The following PDE3B variants were observed in gnomAD, a reference collection of about 807,000 sequenced individuals.
The protein encoded by PDE3B is phosphodiesterase 3B.
A neutral mutation model predicts 116.8 loss-of-function variants in PDE3B; 66 were observed. The ratio of observed to expected loss-of-function variants is 0.56; its 90% CI spans 0.46 to 0.69. PDE3B has a LOEUF of 0.69. PDE3B is among the 30% of genes least tolerant of loss of function. The pLI, the probability that PDE3B is intolerant of heterozygous loss-of-function variation, is 0.00. For missense variants in PDE3B, 1,384 were observed against 1,368.1 expected (o/e 1.01, Z -0.18); for synonymous variants, 595 against 533.6 (o/e 1.12, Z -1.59).
chr11:14,895,743 AATGATACTAATTGAAC>A, the PDE3B span, among the ~76,000 whole-genome samples: 3 of 152,222 alleles, frequency 2.0e-5, no homozygotes, highest in Non-Finnish European at 4.4e-5. Context: ...TTACAAATTA[AATGATACTAATTGAAC>A]ATTCCCTATA....
At chr11:14,687,731 C>T (rs1173764047) in intron 1 of PDE3B, among the ~76,000 whole-genome samples, 1 of 152,094 alleles carries the variant, frequency 6.6e-6, no homozygotes. Flanking sequence ...TTTTAGTTGC[C>T]TATCAGATCT....
intron 1 of PDE3B, among the ~76,000 whole-genome samples, chr11:14,731,255 A>G (rs866911469): frequency 5.0e-5 from 6 of 121,140 alleles, no homozygotes; most frequent in Non-Finnish European, 8.8e-5. Flanking sequence ...TTTTACTTTG[A>G]TTTTTTTTTT....
intron 7 of PDE3B, among the ~76,000 whole-genome samples, chr11:14,830,107 A>G (rs1859827189): frequency 6.6e-6 from 1 of 152,138 alleles, no homozygotes; most frequent in African/African-American, 2.4e-5. Flanking sequence ...CAAGTTATTT[A>G]TTCTACTGTC....
At chr11:14,728,031 T>G (rs1333222775) in intron 1 of PDE3B, among the ~76,000 whole-genome samples, 2 of 152,114 alleles carry the variant, frequency 1.3e-5, no homozygotes, top group East Asian at 3.8e-4. Flanking sequence ...GTTTCTTACA[T>G]TTATCTATTA....
chr11:14,673,634 A>G, intron 1 of PDE3B: 1 of 667,634 alleles, frequency 1.5e-6, no homozygotes. Flanking sequence ...AATCTCTGGC[A>G]CTAAACAAAG....
intron 14 of PDE3B, among the ~76,000 whole-genome samples, chr11:14,866,935 T>C (rs1848057943): frequency 6.6e-6 from 1 of 152,100 alleles, no homozygotes; most frequent in Non-Finnish European, 1.5e-5. Flanking sequence ...GAAGCCACAG[T>C]GGGAGAGTAC....
At chr11:14,685,089 T>C (rs1854829783) in intron 1 of PDE3B, among the ~76,000 whole-genome samples, 1 of 152,210 alleles carries the variant, frequency 6.6e-6, no homozygotes. Flanking sequence ...GTATTAATTT[T>C]GGGAACTGAT....
chr11:14,758,709 G>A (rs1297276094), intron 1 of PDE3B, among the ~76,000 whole-genome samples: 1 of 150,902 alleles, frequency 6.6e-6, no homozygotes, highest in Non-Finnish European at 1.5e-5. Context: ...TTTGGGCTGA[G>A]ACGATGGGGT....
At chr11:14,711,540 C>T (rs1855701906) in intron 1 of PDE3B, among the ~76,000 whole-genome samples, 1 of 152,140 alleles carries the variant, frequency 6.6e-6, no homozygotes, top group South Asian at 2.1e-4. Context: ...GAAGTGGGAG[C>T]AGGCACATCA....
In PDE3B at chr11:14,786,703, A is replaced by G; in HGVS notation, c.1278+18A>G. The G allele has an allele frequency of 6.4e-7, 1 of 1,568,818 alleles. No individual in the cohort carries two copies. The highest frequency in any genetic ancestry group is 1.1e-5 in the South Asian group (1 of 89,070). On this transcript the variant is annotated intron_variant, in intron 3 of 15. Coordinates refer to ENST00000282096, the MANE Select transcript of PDE3B (RefSeq NM_000922.4). ...TTAACAAGGTCGAAATACAGTAATC[A>G]TCTAACCCTATTTATCAAATTTAAT...
the PDE3B span, among the ~76,000 whole-genome samples, chr11:14,889,565 C>T: frequency 1.3e-5 from 2 of 152,092 alleles, no homozygotes; most frequent in Non-Finnish European, 2.9e-5. Context: ...CAGCTAGTAA[C>T]AGTTTGGCCC....
At chr11:14,712,032 G>A (rs984312396) in intron 1 of PDE3B, among the ~76,000 whole-genome samples, 2 of 152,186 alleles carry the variant, frequency 1.3e-5, no homozygotes, top group African/African-American at 4.8e-5. Context: ...GTCCAAGAAT[G>A]GCTGTAGGGG....
At chr11:14,845,398 G>A (rs1464200749) in intron 12 of PDE3B, among the ~76,000 whole-genome samples, 34 of 152,226 alleles carry the variant, frequency 2.2e-4, no homozygotes, top group Non-Finnish European at 3.7e-4. Flanking sequence ...AAAAAACAGA[G>A]CAGAAAAACT....
At chr11:14,839,272 CGTT>C (rs1323910644) in intron 11 of PDE3B, among the ~76,000 whole-genome samples, 15 of 152,140 alleles carry the variant, frequency 9.9e-5, no homozygotes, top group African/African-American at 3.6e-4. Flanking sequence ...AGAGGACCAT[CGTT>C]GTAGGAAGGA....
chr11:14,891,943 T>G, the PDE3B span: 1 of 1,603,056 alleles, frequency 6.2e-7, no homozygotes. Flanking sequence ...CGGGCCAGCC[T>G]GGCGGCCCTC....
At chr11:14,796,452 T>G (rs1858556677) in intron 4 of PDE3B, among the ~76,000 whole-genome samples, 1 of 152,242 alleles carries the variant, frequency 6.6e-6, no homozygotes, top group Non-Finnish European at 1.5e-5. Context: ...CCACACTGTC[T>G]TCCACAATGG....
rs186551194 is a variant in PDE3B, at chr11:14,845,525, A to C, written c.2520+1499A>C. Among the ~76,000 whole-genome samples the C allele has an allele frequency of 2.6e-3, 395 of 152,350 alleles. 1 individual carries two copies. Among genetic ancestry groups the C allele is most frequent in the African/African-American group, 9.0e-3 (373 of 41,578 alleles). On this transcript the variant is annotated intron_variant, in intron 12 of 15. Transcript: ENST00000282096. ...ACGAGTTGAGAGAAGAAGGCTTCAG[A>C]CGATCAAATTACTCTGAGCTACAGG...
At chr11:14,888,712 A>G in the PDE3B span, among the ~76,000 whole-genome samples, 1 of 152,166 alleles carries the variant, frequency 6.6e-6, no homozygotes, top group Non-Finnish European at 1.5e-5. Flanking sequence ...ACTCCTTAGG[A>G]GCAGTGATTT....
chr11:14,890,870 A>G, the PDE3B span: 27 of 985,214 alleles, frequency 2.7e-5, no homozygotes, highest in African/African-American at 4.7e-4. Flanking sequence ...CCTTGTAAAA[A>G]TTGGTTTAAG....
Sources: gnomAD v4.1 joint callset for allele counts (sites outside exome capture counted in the v4.1 genomes callset) on GRCh38, gnomAD v4.1.1 for gene constraint, MANE v1.5 for transcripts, NCBI Gene and HGNC (gene_info 2026-07-23, HGNC 2026-07-21) for gene names.